SFXN5: variants seen among roughly 807,000 people sequenced by gnomAD.
SFXN5 encodes sideroflexin 5.
Under a neutral mutation model 50.2 loss-of-function variants are expected in SFXN5, and 43 were observed. The ratio of observed to expected loss-of-function variants is 0.86; its 90% confidence interval spans 0.67 to 1.11. The LOEUF (loss-of-function observed/expected upper bound fraction) is 1.11, where lower values mean the gene tolerates loss of function less well. SFXN5 is among the 50% of genes least tolerant of loss of function. SFXN5 has a pLI of 0.00. For synonymous variants in SFXN5, 203 were observed against 185.8 expected (o/e 1.09, Z -0.75); for missense variants, 463 against 454.1 (o/e 1.02, Z -0.18).
intron 10 of SFXN5, among the ~76,000 whole-genome samples, chr2:72,977,696 G>A (rs1263651742): frequency 6.6e-6 from 1 of 152,018 alleles, no homozygotes; most frequent in African/African-American, 2.4e-5. Flanking sequence ...AACTCTAGGT[G>A]GGGTGTGGTG....
rs1227819544 is a variant in SFXN5, at chr2:72,944,812, T to C, written c.*210A>G. The C allele has an allele frequency of 5.7e-6, 3 of 528,348 alleles. No homozygotes were observed. Among genetic ancestry groups the C allele is most frequent in the Non-Finnish European group, 1.0e-5 (3 of 298,414 alleles). 32.7% of individuals were successfully genotyped at this position (528,348 alleles called of 1,614,324 possible). ...AAGGCCCAGAAATGCACTTGATTAT[T>C]TTTTTGTACGAAATGTGTTAGAACT... On this transcript the variant is annotated 3_prime_UTR_variant, in exon 14 of 14. Coordinates refer to ENST00000272433, the MANE Select transcript of SFXN5 (RefSeq NM_144579.3).
rs1406694904 is a variant in SFXN5, at chr2:73,000,479, G to A, written c.420C>T (p.Asn140=). Residue 140 remains asparagine (N), a synonymous_variant, in exon 8 of 14, where the codon AAC becomes AAT. Transcript: ENST00000272433. ...AGTTGACACAGGCATTGTGGCTCTG[G>A]TTCAGCCACTGAAAGGCAATGATGA... The part of the protein sequence containing the change: ...LASTVFWQWL[N]QSHNACVNYA... 2 of 1,559,272 alleles carry A rather than the reference G, an allele frequency of 1.3e-6. No individual in the cohort carries two copies. Among genetic ancestry groups the A allele is most frequent in the Non-Finnish European group, 1.7e-6 (2 of 1,150,196 alleles).
chr2:73,064,291 T>A (rs528110708), intron 1 of SFXN5, among the ~76,000 whole-genome samples: 5 of 152,380 alleles, frequency 3.3e-5, no homozygotes, highest in African/African-American at 1.2e-4. Flanking sequence ...GCCAGCCCAG[T>A]AGTCCTGAAT....
intron 2 of SFXN5, among the ~76,000 whole-genome samples, chr2:73,050,422 C>A (rs980835253): frequency 5.1e-5 from 5 of 98,960 alleles, no homozygotes; most frequent in African/African-American, 3.0e-4. Context: ...ACACACACAC[C>A]CCTGCAGAGT....
intron 10 of SFXN5, among the ~76,000 whole-genome samples, chr2:72,977,238 G>A (rs1338327514): frequency 6.6e-6 from 1 of 152,150 alleles, no homozygotes; most frequent in African/African-American, 2.4e-5. Context: ...GAAGCACCCT[G>A]GATGCCCCGC....
At chr2:72,947,354 T>C (rs1672067666) in intron 13 of SFXN5, among the ~76,000 whole-genome samples, 1 of 152,224 alleles carries the variant, frequency 6.6e-6, no homozygotes, top group Admixed American at 6.5e-5. Context: ...GATGTTGGGC[T>C]TTATCTCCAG....
At position 72,988,317 on chromosome 2, in the gene SFXN5, T is replaced by C. The variant is rs767979540; in HGVS notation, c.566A>G (p.Asn189Ser). The C allele has an allele frequency of 1.6e-5, 26 of 1,613,762 alleles. No individual in the cohort carries two copies. In the East Asian group the frequency reaches 4.2e-4, roughly 26 times the overall value. The part of the protein sequence containing the change: ...VGLNVLVQKA[N>S]KFTPATRLLI... The stretch of plus-strand genomic sequence containing the variant: ...AAGGCGGGTGGCTGGGGTGAACTTG[T>C]TGGCTTTCTGAACCAGGACATTAAG... The change falls in exon 10 of 14, where the codon AAC becomes AGC. Residue 189 changes from asparagine to serine, a missense_variant. By Grantham distance (46) the Asn-to-Ser change is conservative. Coordinates refer to ENST00000272433, the MANE Select transcript of SFXN5 (RefSeq NM_144579.3).
chr2:73,020,077 G>A, intron 6 of SFXN5, 162 bp downstream of exon 6: 3 of 644,932 alleles, frequency 4.7e-6, no homozygotes, highest in Admixed American at 3.0e-5. Context: ...TCAGCATCAA[G>A]AGATGTGGTA....
intron 6 of SFXN5, among the ~76,000 whole-genome samples, chr2:73,004,650 G>A (rs1258933642): frequency 6.6e-6 from 1 of 152,066 alleles, no homozygotes; most frequent in Non-Finnish European, 1.5e-5. Context: ...AGGGAGTGTG[G>A]AGAGGGTGAG....
chr2:73,035,532 C>T (rs945904504), intron 3 of SFXN5, among the ~76,000 whole-genome samples: 14 of 135,596 alleles, frequency 1.0e-4, no homozygotes, highest in Middle Eastern at 4.1e-3. Context: ...CCGAGTCTCA[C>T]TCTGTCACCC....
At chr2:73,045,579 G>A (rs1166510642) in intron 2 of SFXN5, among the ~76,000 whole-genome samples, 2 of 152,090 alleles carry the variant, frequency 1.3e-5, no homozygotes, top group Non-Finnish European at 2.9e-5. Context: ...GGGGCGTGCA[G>A]GATGGCAGGG....
At chr2:72,967,999 G>T (rs1674644818) in intron 12 of SFXN5, among the ~76,000 whole-genome samples, 1 of 152,096 alleles carries the variant, frequency 6.6e-6, no homozygotes, top group Non-Finnish European at 1.5e-5. Flanking sequence ...GCTCAGTAAG[G>T]TGGTGATTTG....
chr2:73,061,992 C>T (rs190206123), intron 1 of SFXN5, among the ~76,000 whole-genome samples: 22 of 152,216 alleles, frequency 1.4e-4, no homozygotes, highest in Middle Eastern at 3.4e-3. Flanking sequence ...TGGTATACAC[C>T]TGTAGTCCCA....
Position 72,961,268 on chromosome 2 carries a change from G to T in SFXN5, c.828-20C>A. The T allele has an allele frequency of 6.7e-7, 1 of 1,484,112 alleles. No individual in the cohort carries two copies. Among genetic ancestry groups the T allele is most frequent in the Non-Finnish European group, 8.9e-7 (1 of 1,121,126 alleles). The allele number at this position is 1,484,112 out of a possible 1,614,324, so 91.9% of individuals were successfully genotyped here. A position where few individuals can be genotyped will look rare whatever the true frequency, so the allele number is the denominator to read the frequency against. On this transcript the variant is annotated intron_variant, in intron 12 of 13. Transcript: ENST00000272433. This position sits in a 1 kb window ranked among gnomAD's most constrained non-coding sequence, Gnocchi z 4.4. ...GCCGTCCTGTGAGGGAGAGAGGAGG[G>T]AGCCCCATGAGACCCGAAGGTGGGG...
In SFXN5 at chr2:72,971,655, A is replaced by T; in HGVS notation, c.656T>A (p.Met219Lys). 1 of 1,614,010 alleles carries T rather than the reference A, an allele frequency of 6.2e-7. No individual in the cohort carries two copies. The highest frequency in any genetic ancestry group is 8.5e-7 in the Non-Finnish European group (1 of 1,179,924). The change falls in exon 11 of 14, where the codon ATG becomes AAG. Residue 219 changes from methionine (M) to lysine (K), a missense_variant. Transcript: ENST00000272433. The part of the protein sequence containing the change: ...ASANICNVVL[M>K]RYGELEEGID... ...CCCTTCCTCCAGCTCCCCGTACCGC[A>T]TCAGGACCACATTGCAGATATTGGC...
chr2:73,071,432 C>T, intron 1 of SFXN5, 172 bp downstream of exon 1: 1 of 613,604 alleles, frequency 1.6e-6, no homozygotes, highest in Non-Finnish European at 2.8e-6. Context: ...CGCGCCCGCC[C>T]CGTTGACCAA....
At chr2:73,069,150 A>G (rs1269334546) in intron 1 of SFXN5, among the ~76,000 whole-genome samples, 1 of 152,146 alleles carries the variant, frequency 6.6e-6, no homozygotes, top group African/African-American at 2.4e-5. Context: ...ATTGGAGGGT[A>G]TTTAAATCTA....
intron 2 of SFXN5, chr2:73,041,573 C>T (rs1182834718): frequency 2.7e-6 from 1 of 368,408 alleles, no homozygotes; most frequent in Non-Finnish European, 5.4e-6. Flanking sequence ...GCCTGTAATC[C>T]CAGCTACTCA....
chr2:73,052,809 C>T (rs1485125654), intron 2 of SFXN5, among the ~76,000 whole-genome samples: 1 of 152,206 alleles, frequency 6.6e-6, no homozygotes, highest in East Asian at 1.9e-4. Flanking sequence ...CTTCTGCAAG[C>T]TCCTGGTAGT....
Sources: allele counts gnomAD v4.1 joint callset (sites outside exome capture counted in the v4.1 genomes callset), GRCh38; gene constraint gnomAD v4.1.1; non-coding constraint Gnocchi (gnomAD v3.1); transcripts MANE v1.5; gene names NCBI Gene and HGNC (gene_info 2026-07-23, HGNC 2026-07-21).